RASSF8: variants seen among roughly 807,000 people sequenced by gnomAD.
RASSF8 encodes the protein ras association domain-containing protein 8.
RASSF8 carries 22 observed loss-of-function variants against 48.5 expected under a neutral mutation model. The observed-to-expected ratio is 0.45, with a 90% CI of 0.32 to 0.65. The LOEUF is 0.65. Among genes scored for constraint, RASSF8 ranks in the 30% least tolerant of loss-of-function variants. The pLI is 0.03. For synonymous variants in RASSF8, 127 were observed against 171.5 expected (o/e 0.74, Z 2.03); for missense variants, 418 against 489.2 (o/e 0.85, Z 1.37).
chr12:25,996,735 A>T (rs1389058950), intron 2 of RASSF8, among the ~76,000 whole-genome samples: 1 of 152,158 alleles, frequency 6.6e-6, no homozygotes, highest in Non-Finnish European at 1.5e-5. Context: ...AGTGTTATTT[A>T]AAAAGGTTTT....
intron 2 of RASSF8, among the ~76,000 whole-genome samples, chr12:26,006,042 T>C (rs1592257615): frequency 6.6e-6 from 1 of 152,126 alleles, no homozygotes; most frequent in Non-Finnish European, 1.5e-5. Context: ...AAGACAAATA[T>C]GGGTGCATAT....
intron 2 of RASSF8, among the ~76,000 whole-genome samples, chr12:26,002,643 C>T (rs192786972): frequency 2.4e-4 from 36 of 152,222 alleles, no homozygotes; most frequent in Middle Eastern, 3.4e-3. Flanking sequence ...AGCGTGGTGG[C>T]GCACACCTGT....
intron 2 of RASSF8, chr12:26,011,937 A>G (rs1301462876): frequency 6.6e-6 from 1 of 152,242 alleles, no homozygotes; most frequent in Non-Finnish European, 1.5e-5. Flanking sequence ...GTGTCTTTAA[A>G]GCTTTGTTAT....
At chr12:26,042,449 T>C (rs1311556010) in intron 2 of RASSF8, among the ~76,000 whole-genome samples, 1 of 152,250 alleles carries the variant, frequency 6.6e-6, no homozygotes, top group Non-Finnish European at 1.5e-5. Context: ...TTTGTTAGAT[T>C]CCTTACATTC....
intron 2 of RASSF8, among the ~76,000 whole-genome samples, chr12:26,022,930 A>G (rs745796824): frequency 1.3e-5 from 2 of 152,102 alleles, no homozygotes; most frequent in Non-Finnish European, 2.9e-5. Context: ...TATTTTTAGT[A>G]GAGACGGGGT....
intron 2 of RASSF8, among the ~76,000 whole-genome samples, chr12:26,019,049 G>A (rs1942722395): frequency 6.6e-6 from 1 of 152,198 alleles, no homozygotes; most frequent in Non-Finnish European, 1.5e-5. Context: ...GGTCATAGGT[G>A]GCATGGGGAT....
intron 1 of RASSF8, among the ~76,000 whole-genome samples, chr12:25,966,079 G>A (rs1592211889): frequency 6.6e-6 from 1 of 152,264 alleles, no homozygotes; most frequent in East Asian, 1.9e-4. Flanking sequence ...CTTATGGTAG[G>A]TGTATGCTTA....
rs539057528 is a variant in RASSF8, at chr12:26,004,804, A to G, written c.-109+9674A>G. Among the ~76,000 whole-genome samples the G allele has an allele frequency of 7.2e-5, 11 of 152,300 alleles. No homozygotes were observed. The South Asian group carries it at 2.3e-3, about 32-fold the overall frequency. ...AATTCTGGAAAATAGGTTTTTAGCA[A>G]AATGAAATTATTAGTCATTGTACAT... On this transcript the variant is annotated intron_variant, in intron 2 of 5. Transcript: ENST00000689635.
chr12:26,069,112 T>A lies in RASSF8; in HGVS notation c.*294T>A. The A allele has an allele frequency of 9.9e-7, 1 of 1,010,440 alleles. No individual in the cohort carries two copies. Among genetic ancestry groups the A allele is most frequent in the Non-Finnish European group, 1.2e-6 (1 of 846,290 alleles). The allele number at this position is 1,010,440 out of a possible 1,614,324, so 62.6% of individuals were successfully genotyped here. On this transcript the variant is annotated 3_prime_UTR_variant, in exon 6 of 6. Coordinates refer to ENST00000689635, the MANE Select transcript of RASSF8 (RefSeq NM_001394098.1). ...TTAGGAAAGTATTATATAGTGTGTA[T>A]ACATAAATAAGCCGTGACTTAAGTA...
At chr12:26,063,755 A>G (rs1251574420) in intron 3 of RASSF8, among the ~76,000 whole-genome samples, 1 of 151,056 alleles carries the variant, frequency 6.6e-6, no homozygotes, top group African/African-American at 2.4e-5. Flanking sequence ...TTTTTAGAAG[A>G]AGAATCTCTG....
At chr12:25,964,223 A>G (rs1941304734) in intron 1 of RASSF8, among the ~76,000 whole-genome samples, 1 of 151,876 alleles carries the variant, frequency 6.6e-6, no homozygotes, top group Non-Finnish European at 1.5e-5. Context: ...TTTAACACCA[A>G]TAATATTTAT....
intron 1 of RASSF8, among the ~76,000 whole-genome samples, chr12:25,961,233 G>A (rs1490491993): frequency 6.6e-6 from 1 of 152,124 alleles, no homozygotes; most frequent in Non-Finnish European, 1.5e-5. Context: ...GTGGGATATT[G>A]TTGTCTTTTT....
intron 1 of RASSF8, chr12:25,959,730 C>T (rs914007393): frequency 6.6e-6 from 1 of 152,082 alleles, no homozygotes; most frequent in African/African-American, 2.4e-5. Context: ...CGCACAAAGC[C>T]GGAAGATTCA....
rs115010863 is a variant in RASSF8, at chr12:25,996,711, C to T, written c.-109+1581C>T. ...CGCCTTTAGCTTACTGCTTTGTTTC[C>T]CTTTTTTGAATGAAGTGTTATTTAA... On this transcript the variant is annotated intron_variant, in intron 2 of 5. Coordinates refer to ENST00000689635, the MANE Select transcript of RASSF8 (RefSeq NM_001394098.1). 2.1e-3 allele frequency among the ~76,000 whole-genome samples: 313 copies of T among 152,222 alleles called. 3 individuals are homozygous for T. Among genetic ancestry groups the T allele is most frequent in the African/African-American group, 7.2e-3 (299 of 41,534 alleles).
chr12:26,070,074 G>T lies in RASSF8; in HGVS notation c.*1256G>T, dbSNP rs1274685037. 1 of 982,958 alleles carries T rather than the reference G, an allele frequency of 1.0e-6. No homozygotes were observed. Among genetic ancestry groups the T allele is most frequent in the Non-Finnish European group, 1.2e-6 (1 of 827,804 alleles). The allele number at this position is 982,958 out of a possible 1,614,324, so 60.9% of individuals were successfully genotyped here. A position where few individuals can be genotyped will look rare whatever the true frequency, so the allele number is the denominator to read the frequency against. On this transcript the variant is annotated 3_prime_UTR_variant, in exon 6 of 6. Coordinates refer to ENST00000689635, the MANE Select transcript of RASSF8 (RefSeq NM_001394098.1). ...AGTAATATTTAGACAGATTCAGTCA[G>T]ACACCACTTAGCCATTTTTACATTC...
chr12:25,992,393 C>A (rs1307193406), intron 1 of RASSF8, among the ~76,000 whole-genome samples: 1 of 152,166 alleles, frequency 6.6e-6, no homozygotes, highest in Non-Finnish European at 1.5e-5. Context: ...CCTTTTGATT[C>A]TTTTCTAATT....
At chr12:26,037,014 A>C (rs556689029) in intron 2 of RASSF8, among the ~76,000 whole-genome samples, 7 of 152,220 alleles carry the variant, frequency 4.6e-5, no homozygotes, top group Non-Finnish European at 7.4e-5. Flanking sequence ...TATATCTCAG[A>C]GTTTATCTAA....
At chr12:25,979,023 T>C (rs995774314) in intron 1 of RASSF8, among the ~76,000 whole-genome samples, 4 of 152,074 alleles carry the variant, frequency 2.6e-5, no homozygotes, top group African/African-American at 9.7e-5. Context: ...AAAGATACGG[T>C]AGTATGTTCA....
intron 1 of RASSF8, among the ~76,000 whole-genome samples, chr12:25,963,481 C>T (rs1369991210): frequency 6.6e-6 from 1 of 152,218 alleles, no homozygotes; most frequent in Non-Finnish European, 1.5e-5. Flanking sequence ...GTAATCTCTA[C>T]TTCTTACATA....
Sources: gnomAD v4.1 joint callset for allele counts (sites outside exome capture counted in the v4.1 genomes callset) on GRCh38, gnomAD v4.1.1 for gene constraint, MANE v1.5 for transcripts, NCBI Gene and HGNC (gene_info 2026-07-23, HGNC 2026-07-21) for gene names.